KCNQ3: variants seen among roughly 807,000 people sequenced by gnomAD.
KCNQ3 encodes the protein potassium voltage-gated channel subfamily KQT member 3.
KCNQ3 carries 30 observed loss-of-function variants against 92.5 expected under a neutral mutation model. The ratio of observed to expected loss-of-function variants is 0.32; its 90% CI spans 0.24 to 0.44. The LOEUF (loss-of-function observed/expected upper bound fraction) is 0.44. Ranked by LOEUF, KCNQ3 falls within the 20% of genes least tolerant of loss-of-function variation. KCNQ3 has a pLI of 1.00. For synonymous variants in KCNQ3, 450 were observed against 468.8 expected (o/e 0.96, Z 0.52); for missense variants, 913 against 1,140.3 (o/e 0.80, Z 2.87).
intron 1 of KCNQ3, among the ~76,000 whole-genome samples, chr8:132,430,553 C>T (rs760748016): frequency 2.6e-5 from 4 of 152,170 alleles, no homozygotes; most frequent in Non-Finnish European, 4.4e-5. Context: ...GATCCATCAG[C>T]GGGGCCTTCC....
At chr8:132,415,220 G>C (rs531993581) in intron 1 of KCNQ3, among the ~76,000 whole-genome samples, 2 of 152,182 alleles carry the variant, frequency 1.3e-5, no homozygotes, top group African/African-American at 4.8e-5. Context: ...TGCAGCCTGC[G>C]TTTCCTCCCA....
intron 1 of KCNQ3, among the ~76,000 whole-genome samples, chr8:132,419,654 C>T (rs1415574051): frequency 6.6e-6 from 1 of 152,176 alleles, no homozygotes; most frequent in Non-Finnish European, 1.5e-5. Flanking sequence ...GAACTGTTTT[C>T]TATGTAGCCA....
chr8:132,282,374 AAAG>A (rs1387048726), intron 1 of KCNQ3, among the ~76,000 whole-genome samples: 1 of 152,176 alleles, frequency 6.6e-6, no homozygotes, highest in Non-Finnish European at 1.5e-5. Context: ...TTGCTCGGCT[AAAG>A]AATCACAGGG....
At position 132,480,177 on chromosome 8, in the gene KCNQ3, C is replaced by T. The variant is rs899931046; in HGVS notation, c.356G>A (p.Arg119Gln). The change falls in exon 1 of 15, where the codon CGG becomes CAG. Residue 119 changes from arginine (R) to glutamine (Q), a missense_variant. By Grantham distance (43) the Arg-to-Gln change is conservative. This residue lies in a region of KCNQ3 where 100 missense variants were observed against 217.6 expected (regional missense o/e 0.46). Transcript: ENST00000388996. ...CGCGTGGTAAAGCAGCGCCCAGCCCCGCGGTCTCTCCAGGGCGTCGTAGAT... is the reference window on the plus strand; with the variant it reads ...CGCGTGGTAAAGCAGCGCCCAGCCCTGCGGTCTCTCCAGGGCGTCGTAGAT... Reference protein sequence around the residue: ...TLIYDALERPRGWALLYHALV... With the variant: ...TLIYDALERPQGWALLYHALV... 6.2e-7 allele frequency: 1 copy of T among 1,612,926 alleles called. No homozygotes were observed. Among genetic ancestry groups the T allele is most frequent in the African/African-American group, 1.3e-5 (1 of 74,884 alleles).
intron 1 of KCNQ3, among the ~76,000 whole-genome samples, chr8:132,390,789 TA>T (rs1465819370): frequency 6.6e-6 from 1 of 152,236 alleles, no homozygotes; most frequent in African/African-American, 2.4e-5. Flanking sequence ...CGGCACATTT[TA>T]AGTACCCGAT....
intron 1 of KCNQ3, among the ~76,000 whole-genome samples, chr8:132,417,461 A>G (rs1009941910): frequency 6.6e-6 from 1 of 152,220 alleles, no homozygotes; most frequent in African/African-American, 2.4e-5. Context: ...GGTGAAATTT[A>G]CAAGTTGAGT....
At chr8:132,252,889 C>CA (rs1464977326) in intron 1 of KCNQ3, among the ~76,000 whole-genome samples, 2 of 152,170 alleles carry the variant, frequency 1.3e-5, no homozygotes, top group African/African-American at 4.8e-5. Flanking sequence ...TCCATCACAG[C>CA]ATATAGACAT....
intron 1 of KCNQ3, among the ~76,000 whole-genome samples, chr8:132,332,633 C>T (rs991908169): frequency 2.6e-5 from 4 of 152,256 alleles, no homozygotes; most frequent in Non-Finnish European, 5.9e-5. Flanking sequence ...CCTTCTCTGT[C>T]CTTGTGTTTC....
intron 1 of KCNQ3, among the ~76,000 whole-genome samples, chr8:132,410,312 C>T (rs2130796311): frequency 6.6e-6 from 1 of 152,060 alleles, no homozygotes; most frequent in East Asian, 1.9e-4. Context: ...TGAAGATTTT[C>T]CTAAAGGGAG....
intron 1 of KCNQ3, among the ~76,000 whole-genome samples, chr8:132,231,871 G>A (rs917361759): frequency 9.9e-5 from 15 of 152,198 alleles, no homozygotes; most frequent in African/African-American, 3.6e-4. Context: ...GACCCTAATA[G>A]TTGTACGACA....
intron 1 of KCNQ3, among the ~76,000 whole-genome samples, chr8:132,342,800 T>G (rs1341685510): frequency 6.6e-6 from 1 of 152,264 alleles, no homozygotes; most frequent in Admixed American, 6.5e-5. Flanking sequence ...TTTCAATAGT[T>G]CTGAAGTATG....
intron 1 of KCNQ3, among the ~76,000 whole-genome samples, chr8:132,195,535 G>T (rs923680987): frequency 7.9e-5 from 12 of 152,182 alleles, no homozygotes; most frequent in Admixed American, 2.0e-4. Flanking sequence ...GAGGGTACTG[G>T]AAGAGTGTGC....
chr8:132,148,295 GC>G (rs1362423843), intron 9 of KCNQ3, among the ~76,000 whole-genome samples: 1 of 152,018 alleles, frequency 6.6e-6, no homozygotes, highest in African/African-American at 2.4e-5. Context: ...TGTCGCCCAG[GC>G]TAGCTCTTGG....
chr8:132,313,416 A>T (rs1241593487), intron 1 of KCNQ3, among the ~76,000 whole-genome samples: 1 of 151,764 alleles, frequency 6.6e-6, no homozygotes, highest in African/African-American at 2.4e-5. Context: ...ATGAATGCAA[A>T]TTTTTTTTTA....
At chr8:132,193,001 C>T (rs1586818679) in intron 1 of KCNQ3, among the ~76,000 whole-genome samples, 2 of 152,112 alleles carry the variant, frequency 1.3e-5, no homozygotes, top group South Asian at 4.1e-4. Flanking sequence ...ACTGCCCTGG[C>T]GTTCCTGAGT....
intron 1 of KCNQ3, among the ~76,000 whole-genome samples, chr8:132,443,607 C>G (rs1821595877): frequency 6.6e-6 from 1 of 152,200 alleles, no homozygotes; most frequent in African/African-American, 2.4e-5. Context: ...CTCCCCAGCA[C>G]AGATACACAA....
At chr8:132,267,997 G>T (rs1205009020) in intron 1 of KCNQ3, among the ~76,000 whole-genome samples, 2 of 152,096 alleles carry the variant, frequency 1.3e-5, no homozygotes, top group African/African-American at 4.8e-5. Flanking sequence ...CATTCCACGG[G>T]CTTTGGCAAA....
chr8:132,175,748 A>G, intron 4 of KCNQ3, 140 bp from the exon 5 acceptor site: 1 of 770,832 alleles, frequency 1.3e-6, no homozygotes, highest in Admixed American at 2.0e-5. Context: ...TCTGATCTTC[A>G]TCTTCCATCA....
intron 1 of KCNQ3, chr8:132,278,258 A>G (rs1586889438): frequency 2.1e-6 from 2 of 975,056 alleles, no homozygotes; most frequent in South Asian, 4.7e-5. Flanking sequence ...TCTCAATATC[A>G]TTTCTAATTT....
Sources: allele counts gnomAD v4.1 joint callset (sites outside exome capture counted in the v4.1 genomes callset), GRCh38; gene constraint gnomAD v4.1.1; regional missense constraint gnomAD v4.1.1; transcripts MANE v1.5; gene names NCBI Gene and HGNC (gene_info 2026-07-23, HGNC 2026-07-21).